The following LRGUK variants were observed in gnomAD, a reference collection of about 807,000 sequenced individuals.
The protein encoded by LRGUK is leucine rich repeats and guanylate kinase domain containing.
LRGUK carries 65 observed loss-of-function variants against 76.0 expected under a neutral mutation model. The ratio of observed to expected loss-of-function variants is 0.85; its 90% confidence interval spans 0.70 to 1.05. The LOEUF (loss-of-function observed/expected upper bound fraction) is 1.05. Ranked by LOEUF, LRGUK falls within the 50% of genes least tolerant of loss-of-function variation. LRGUK has a pLI of 0.00. For synonymous variants in LRGUK, 268 were observed against 265.6 expected (o/e 1.01, Z -0.09); for missense variants, 758 against 732.8 (o/e 1.03, Z -0.40).
chr7:134,134,560 G>A (rs1056917070), intron 1 of LRGUK, among the ~76,000 whole-genome samples: 2 of 152,202 alleles, frequency 1.3e-5, no homozygotes, highest in Non-Finnish European at 1.5e-5. Context: ...AATGGGGACA[G>A]CGTGGCTCAT....
At chr7:134,150,737 C>T (rs971612343) in intron 5 of LRGUK, among the ~76,000 whole-genome samples, 6 of 152,008 alleles carry the variant, frequency 3.9e-5, no homozygotes, top group Non-Finnish European at 5.9e-5. Flanking sequence ...TCAAGAGAGT[C>T]TTAATTTCTA....
intron 11 of LRGUK, among the ~76,000 whole-genome samples, chr7:134,186,026 A>C (rs573200526): frequency 6.6e-6 from 1 of 152,362 alleles, no homozygotes; most frequent in African/African-American, 2.4e-5. Flanking sequence ...AAACTAGGGC[A>C]AAAGGGTATA....
intron 16 of LRGUK, among the ~76,000 whole-genome samples, chr7:134,239,832 A>G (rs149878129): frequency 0.072 from 10,998 of 151,946 alleles, 972 homozygotes; most frequent in African/African-American, 0.2. Flanking sequence ...ATACAGCCGG[A>G]TGCCCCTCTG....
chr7:134,175,357 T>C (rs1034726724), intron 8 of LRGUK, among the ~76,000 whole-genome samples: 1 of 152,186 alleles, frequency 6.6e-6, no homozygotes, highest in Non-Finnish European at 1.5e-5. Context: ...TGTTTGTATC[T>C]TGATGAACAT....
chr7:134,231,527 C>T (rs989747891), intron 16 of LRGUK, among the ~76,000 whole-genome samples: 1 of 148,006 alleles, frequency 6.8e-6, no homozygotes, highest in African/African-American at 2.5e-5. Flanking sequence ...TCCCTTCCTT[C>T]CTTCCTCCCT....
At chr7:134,189,142 T>C (rs1238299244) in intron 11 of LRGUK, among the ~76,000 whole-genome samples, 1 of 152,208 alleles carries the variant, frequency 6.6e-6, no homozygotes, top group Non-Finnish European at 1.5e-5. Flanking sequence ...GGGGTTCATC[T>C]CTAACTTAGT....
At chr7:134,213,566 T>G (rs2117135723), downstream of LRGUK, among the ~76,000 whole-genome samples, 1 of 152,364 alleles carries the variant, frequency 6.6e-6, no homozygotes, top group South Asian at 2.1e-4. Context: ...ATAATTTTCC[T>G]CTTCGGGCGC....
chr7:134,168,996 C>G (rs1408801520), intron 7 of LRGUK, among the ~76,000 whole-genome samples: 1 of 152,038 alleles, frequency 6.6e-6, no homozygotes, highest in Non-Finnish European at 1.5e-5. Flanking sequence ...AAAAGCCTAC[C>G]CTCAGGAAAC....
intron 15 of LRGUK, 60 bp from the exon 16 acceptor site, chr7:134,221,719 A>G (rs1260373484): frequency 2.3e-6 from 3 of 1,306,374 alleles, no homozygotes; most frequent in East Asian, 2.7e-5. Context: ...AAACATTTCT[A>G]TCACTTCAGA....
At chr7:134,175,433 G>T (rs1799440093) in intron 8 of LRGUK, among the ~76,000 whole-genome samples, 1 of 152,174 alleles carries the variant, frequency 6.6e-6, no homozygotes, top group African/African-American at 2.4e-5. Context: ...CCTTGGGACA[G>T]GAACAGTGGG....
downstream of LRGUK, among the ~76,000 whole-genome samples, chr7:134,265,739 C>T (rs1802843073): frequency 6.6e-6 from 1 of 152,180 alleles, no homozygotes; most frequent in South Asian, 2.1e-4. Context: ...ACTTTAACCA[C>T]TGCCCAATAT....
chr7:134,231,200 G>C (rs1801880574), intron 16 of LRGUK, among the ~76,000 whole-genome samples: 1 of 152,140 alleles, frequency 6.6e-6, no homozygotes, highest in African/African-American at 2.4e-5. Flanking sequence ...CCACATTAGG[G>C]GGAGACCCAG....
chr7:134,230,157 T>A (rs1230456647), intron 16 of LRGUK, among the ~76,000 whole-genome samples: 1 of 151,992 alleles, frequency 6.6e-6, no homozygotes, highest in South Asian at 2.1e-4. Flanking sequence ...ATCCGAAATA[T>A]ATAAAGAACT....
Position 134,258,305 on chromosome 7 carries a change from T to A in LRGUK, c.2247T>A (p.Cys749Ter). 1.9e-6 allele frequency: 3 copies of A among 1,614,126 alleles called. No individual in the cohort carries two copies. Among genetic ancestry groups the A allele is most frequent in the Non-Finnish European group, 2.5e-6 (3 of 1,179,998 alleles). The change falls in exon 19 of 20, where the codon TGT becomes TGA. Residue 749 changes from cysteine (C) to a stop codon, truncating the protein, a stop_gained. Transcript: ENST00000285928. LOFTEE classifies it high-confidence loss of function. ...TGAAATGTTCATTGTTTCGGTTCTG[T>A]CCGTGGTCAAAAGAATTGCCTTTCC... is the stretch of plus-strand genomic sequence containing the variant.
chr7:134,199,954 A>C (rs2117084710), intron 14 of LRGUK, among the ~76,000 whole-genome samples: 2 of 139,324 alleles, frequency 1.4e-5, no homozygotes, highest in East Asian at 4.1e-4. Flanking sequence ...ACACATATAA[A>C]ATTTCTATAG....
intron 16 of LRGUK, among the ~76,000 whole-genome samples, chr7:134,245,375 G>A (rs1459172048): frequency 6.6e-6 from 1 of 152,068 alleles, no homozygotes; most frequent in African/African-American, 2.4e-5. Context: ...AGGTCTTTCA[G>A]TCACCATGCT....
At chr7:134,252,339 TAATTA>T (rs146773478) in intron 18 of LRGUK, among the ~76,000 whole-genome samples, 10,916 of 145,694 alleles carry the variant, frequency 0.075, 682 homozygotes, top group East Asian at 0.33. Context: ...CTCAAATAGA[TAATTA>T]AATTAAATTA....
chr7:134,151,142 C>T (rs752126101), intron 5 of LRGUK, among the ~76,000 whole-genome samples: 1 of 152,122 alleles, frequency 6.6e-6, no homozygotes, highest in Non-Finnish European at 1.5e-5. Flanking sequence ...TGAAGTTTTA[C>T]AAGCTTTTCT....
At chr7:134,186,201 T>C (rs1799974342) in intron 11 of LRGUK, among the ~76,000 whole-genome samples, 1 of 152,232 alleles carries the variant, frequency 6.6e-6, no homozygotes, top group Non-Finnish European at 1.5e-5. Context: ...TGCTAAGACA[T>C]ACTTTGTTGG....
Sources: allele counts gnomAD v4.1 joint callset (sites outside exome capture counted in the v4.1 genomes callset), GRCh38; gene constraint gnomAD v4.1.1; transcripts MANE v1.5; gene names NCBI Gene and HGNC (gene_info 2026-07-23, HGNC 2026-07-21).